CBLL1: variants seen among roughly 807,000 people sequenced by gnomAD.
CBLL1 encodes Cbl proto-oncogene like 1.
In CBLL1, 4 loss-of-function variants were observed where a neutral mutation model predicts 44.9. The ratio of observed to expected loss-of-function variants is 0.09; its 90% confidence interval spans 0.04 to 0.20. The LOEUF (loss-of-function observed/expected upper bound fraction) is 0.20, where lower values mean the gene tolerates loss of function less well. Ranked by LOEUF, CBLL1 falls within the 10% of genes least tolerant of loss-of-function variation. The pLI, the probability that CBLL1 is intolerant of heterozygous loss-of-function variation, is 1.00. For missense variants in CBLL1, 569 were observed against 636.7 expected (o/e 0.89, Z 1.14); for synonymous variants, 235 against 202.2 (o/e 1.16, Z -1.38).
intron 5 of CBLL1, among the ~76,000 whole-genome samples, chr7:107,756,428 CAG>C (rs1793530052): frequency 2.0e-5 from 3 of 152,078 alleles, no homozygotes; most frequent in Admixed American, 2.0e-4. Context: ...TTTAAAGTAA[CAG>C]ATTATAACAT....
At chr7:107,746,618 C>T (rs1425714229) in intron 1 of CBLL1, among the ~76,000 whole-genome samples, 3 of 152,152 alleles carry the variant, frequency 2.0e-5, no homozygotes, top group African/African-American at 7.2e-5. Context: ...AGAATCATGA[C>T]AGGATAGGCA....
chr7:107,747,697 G>A (rs529648753), intron 1 of CBLL1, among the ~76,000 whole-genome samples: 1 of 152,214 alleles, frequency 6.6e-6, no homozygotes, highest in East Asian at 1.9e-4. Flanking sequence ...TAAAATAATC[G>A]TTATGGACCC....
intron 4 of CBLL1, 99 bp downstream of exon 4, chr7:107,754,077 C>T: frequency 3.5e-6 from 2 of 567,834 alleles, no homozygotes; most frequent in Non-Finnish European, 5.9e-6. Context: ...ACTAAGTTTG[C>T]AAAATTTTAA....
Position 107,759,292 on chromosome 7 carries a change from C to A in CBLL1, c.*114C>A. The A allele has an allele frequency of 1.2e-6, 1 of 866,802 alleles. No individual in the cohort carries two copies. The highest frequency in any genetic ancestry group is 1.8e-6 in the Non-Finnish European group (1 of 568,362). 53.7% of individuals were successfully genotyped at this position (866,802 alleles called of 1,614,324 possible). The stretch of plus-strand genomic sequence containing the variant: ...TACCTCTTATCGAGGTAGTATAAAA[C>A]ACATAGGGTCTTGTTTCTTAAAATG... On this transcript the variant is annotated 3_prime_UTR_variant, in exon 6 of 6. Transcript: ENST00000440859.
Position 107,758,131 on chromosome 7 carries a change from CT to C in CBLL1, c.441-10del, listed in dbSNP as rs1562865674. The C allele has an allele frequency of 6.5e-7, 1 of 1,547,962 alleles. No homozygotes were observed. The highest frequency in any genetic ancestry group is 8.7e-7 in the Non-Finnish European group (1 of 1,145,838). Reference sequence around the variant, plus strand: ...CTTTTAGTAAATCACATTTCTTTCCCTTCTAATTTAGCTGTAGTGATCCTGT... The same window carrying C: ...CTTTTAGTAAATCACATTTCTTTCCCTCTAATTTAGCTGTAGTGATCCTGT... On this transcript the variant is annotated splice_polypyrimidine_tract_variant and intron_variant, in intron 5 of 5. Transcript: ENST00000440859. The surrounding 1 kb of genome is among the most constrained non-coding windows in gnomAD (Gnocchi z 4.2).
chr7:107,753,808 C>A, intron 3 of CBLL1, 87 bp from the exon 4 acceptor site: 1 of 824,256 alleles, frequency 1.2e-6, no homozygotes, highest in Non-Finnish European at 1.8e-6. Context: ...GTTTTAACAA[C>A]TTTTATAAAA....
In CBLL1 at chr7:107,753,517, A is replaced by G. The variant is rs1458461679; in HGVS notation, c.282+6A>G. 5.3e-6 allele frequency: 8 copies of G among 1,518,508 alleles called. No homozygotes were observed. Among genetic ancestry groups the G allele is most frequent in the Non-Finnish European group, 7.1e-6 (8 of 1,125,062 alleles). 94.1% of individuals were successfully genotyped at this position (1,518,508 alleles called of 1,614,324 possible). ...ACCTTTTTTGGGACTTTCAGGTATA[A>G]TTAAAAATGAAAAATTGTATTATAA... is the stretch of plus-strand genomic sequence containing the variant. On this transcript the variant is annotated splice_donor_region_variant and intron_variant, in intron 3 of 5. Transcript: ENST00000440859.
chr7:107,755,355 A>G lies in CBLL1; in HGVS notation c.367-63A>G. On this transcript the variant is annotated intron_variant, in intron 4 of 5. Transcript: ENST00000440859. ...AAGCCTTATGTATAGGTTACTATAT[A>G]TATATATTTTAAAAATATTATAAGT... The G allele has an allele frequency of 5.2e-6, 4 of 769,690 alleles. No individual in the cohort carries two copies. The South Asian group carries it at 9.3e-5, about 18-fold the overall frequency. 47.7% of individuals were successfully genotyped at this position (769,690 alleles called of 1,614,324 possible).
chr7:107,744,215 C>A, intron 1 of CBLL1, 39 bp downstream of exon 1: 2 of 1,534,998 alleles, frequency 1.3e-6, no homozygotes, highest in African/African-American at 2.8e-5. Flanking sequence ...GGTTCCAAGC[C>A]CCCTTGGCCG....
chr7:107,754,897 G>A (rs13226711), intron 4 of CBLL1, among the ~76,000 whole-genome samples: 33,187 of 152,032 alleles, frequency 0.22, 4,584 homozygotes, highest in South Asian at 0.44. Context: ...GGCTGAGGTG[G>A]GAGGATTGCC....
Position 107,760,571 on chromosome 7 carries a change from T to C in CBLL1, c.*1393T>C, listed in dbSNP as rs911306687. The C allele has an allele frequency of 6.6e-6, 1 of 152,234 alleles. No individual in the cohort carries two copies. Among genetic ancestry groups the C allele is most frequent in the Non-Finnish European group, 1.5e-5 (1 of 67,940 alleles). 9.4% of individuals were successfully genotyped at this position (152,234 alleles called of 1,614,324 possible). On this transcript the variant is annotated 3_prime_UTR_variant, in exon 6 of 6. Coordinates refer to ENST00000440859, the MANE Select transcript of CBLL1 (RefSeq NM_024814.4). The stretch of plus-strand genomic sequence containing the variant: ...ACAGTTTATACAGAACTCATATGTA[T>C]AAATCAACATTCTTAGGATATTATT...
At position 107,748,926 on chromosome 7, in the gene CBLL1, T is replaced by G; in HGVS notation, c.60T>G (p.Leu20=). The part of the protein sequence containing the change: ...GTNSSGSLGG[L]DVRRRIPIKL... ...ATAGTTCTGGATCCTTGGGTGGTCTTGATGTTCGCAGACGAATTCCTATAA... is the reference window on the plus strand; with the variant it reads ...ATAGTTCTGGATCCTTGGGTGGTCTGGATGTTCGCAGACGAATTCCTATAA... Residue 20 remains leucine, a synonymous_variant, in exon 2 of 6, where the codon CTT becomes CTG. Coordinates refer to ENST00000440859, the MANE Select transcript of CBLL1 (RefSeq NM_024814.4). 1.2e-6 allele frequency: 2 copies of G among 1,614,004 alleles called. No homozygotes were observed. The highest frequency in any genetic ancestry group is 1.7e-6 in the Non-Finnish European group (2 of 1,179,912).
intron 2 of CBLL1, chr7:107,752,661 T>C: frequency 9.5e-7 from 1 of 1,056,604 alleles, no homozygotes; most frequent in South Asian, 1.5e-5. Flanking sequence ...TGTTGATTGG[T>C]TTTCTGTTCT....
In CBLL1 at chr7:107,759,162, G is replaced by C. The variant is rs564621638; in HGVS notation, c.1460G>C (p.Arg487Thr). ...GPHHPDQTRY[R>T]PYYQ The stretch of plus-strand genomic sequence containing the variant: ...CATCATCCAGATCAGACAAGATATA[G>C]ACCGTATTACCAATGATAATAGTAT... The change falls in exon 6 of 6, where the codon AGA becomes ACA. Residue 487 changes from arginine to threonine, a missense_variant. Arg to Thr is a moderately conservative substitution (Grantham distance 71). This residue lies in a region of CBLL1 where 228 missense variants were observed against 253.2 expected (regional missense o/e 0.90). Coordinates refer to ENST00000440859, the MANE Select transcript of CBLL1 (RefSeq NM_024814.4). The C allele has an allele frequency of 6.2e-7, 1 of 1,608,662 alleles. No individual in the cohort carries two copies. Among genetic ancestry groups the C allele is most frequent in the Non-Finnish European group, 8.5e-7 (1 of 1,177,260 alleles).
At chr7:107,749,290 C>G (rs1481460168) in intron 2 of CBLL1, 1 of 292,152 alleles carries the variant, frequency 3.4e-6, no homozygotes, top group Non-Finnish European at 6.3e-6. Flanking sequence ...AACAGTATTG[C>G]AGAAAGCATA....
rs754666959 is a variant in CBLL1 at position 107,761,337 on chromosome 7, A to G, written c.*2159A>G. 2.6e-5 allele frequency: 4 copies of G among 152,304 alleles called. No homozygotes were observed. Among genetic ancestry groups the G allele is most frequent in the Non-Finnish European group, 5.9e-5 (4 of 67,890 alleles). The allele number at this position is 152,304 out of a possible 1,614,324, so 9.4% of individuals were successfully genotyped here. ...ACCCTTGTAGAGTTTTTAAAAAATGATTTATTTTCAATTAGGTTTAAGAAA... is the reference window on the plus strand; with the variant it reads ...ACCCTTGTAGAGTTTTTAAAAAATGGTTTATTTTCAATTAGGTTTAAGAAA... On this transcript the variant is annotated 3_prime_UTR_variant, in exon 6 of 6. Coordinates refer to ENST00000440859, the MANE Select transcript of CBLL1 (RefSeq NM_024814.4).
At chr7:107,752,055 T>G (rs977003434) in intron 2 of CBLL1, among the ~76,000 whole-genome samples, 3 of 151,746 alleles carry the variant, frequency 2.0e-5, no homozygotes, top group Non-Finnish European at 4.4e-5. Flanking sequence ...AAAAATTAGC[T>G]GGGTGTGGTG....
chr7:107,752,198 CAA>C (rs796995157), intron 2 of CBLL1, among the ~76,000 whole-genome samples: 30 of 56,210 alleles, frequency 5.3e-4, no homozygotes, highest in Non-Finnish European at 2.4e-4. Flanking sequence ...GACTCTGTCT[CAA>C]AAAAAAAAAA....
Position 107,758,612 on chromosome 7 carries a change from G to C in CBLL1, c.910G>C (p.Gly304Arg), listed in dbSNP as rs761304286. ...CCCTATTCAGGATGACTCAAATTCA[G>C]GTGCTAGAGAACCACCACCTCCTGC... The part of the protein sequence containing the change: ...TVPIQDDSNS[G>R]AREPPPPAPA... The change falls in exon 6 of 6, where the codon GGT (glycine) becomes CGT (arginine). Residue 304 changes from glycine to arginine, a missense_variant. Physicochemically the swap from Gly to Arg is moderately radical, Grantham distance 125 (BLOSUM62 -2). This residue lies in a region of CBLL1 where 228 missense variants were observed against 253.2 expected (regional missense o/e 0.90). Coordinates refer to ENST00000440859, the MANE Select transcript of CBLL1 (RefSeq NM_024814.4). This position sits in a 1 kb window ranked among gnomAD's most constrained non-coding sequence, Gnocchi z 4.2. The C allele has an allele frequency of 6.2e-7, 1 of 1,613,888 alleles. No individual in the cohort carries two copies. Among genetic ancestry groups the C allele is most frequent in the Non-Finnish European group, 8.5e-7 (1 of 1,179,972 alleles).
Sources: allele counts gnomAD v4.1 joint callset (sites outside exome capture counted in the v4.1 genomes callset), GRCh38; gene constraint gnomAD v4.1.1; regional missense constraint gnomAD v4.1.1; non-coding constraint Gnocchi (gnomAD v3.1); transcripts MANE v1.5; gene names NCBI Gene and HGNC (gene_info 2026-07-23, HGNC 2026-07-21).